Variants in BCL6B observed in about 807,000 individuals in gnomAD.
BCL6B encodes the protein B-cell CLL/lymphoma 6 member B protein.
Under a neutral mutation model 44.6 loss-of-function variants are expected in BCL6B, and 28 were observed. The ratio of observed to expected loss-of-function variants is 0.63; its 90% CI spans 0.47 to 0.86. The LOEUF is 0.86. BCL6B is among the 40% of genes least tolerant of loss of function. BCL6B has a pLI of 0.00. For synonymous variants in BCL6B, 268 were observed against 263.6 expected (o/e 1.02, Z -0.16); for missense variants, 626 against 652.3 (o/e 0.96, Z 0.44).
rs1414579398 is a variant in BCL6B, at chr17:7,024,065, T to C, written c.180-18T>C. 1 of 1,612,556 alleles carries C rather than the reference T, an allele frequency of 6.2e-7. No individual in the cohort carries two copies. The highest frequency in any genetic ancestry group is 1.3e-5 in the African/African-American group (1 of 74,880). On this transcript the variant is annotated intron_variant, in intron 2 of 8. Transcript: ENST00000293805. The surrounding 1 kb of genome is among the most constrained non-coding windows in gnomAD (Gnocchi z 6.6). ...TTGGTTCCCCAGCCCCCAAAGGACTTATCTGCTCTCTCTCTAGTGGCTTCT... is the reference window on the plus strand; with the variant it reads ...TTGGTTCCCCAGCCCCCAAAGGACTCATCTGCTCTCTCTCTAGTGGCTTCT...
Position 7,023,765 on chromosome 17 carries a change from C to T in BCL6B, c.94C>T (p.Arg32Cys). 3.7e-6 allele frequency: 6 copies of T among 1,613,410 alleles called. No homozygotes were observed. Among genetic ancestry groups the T allele is most frequent in the Non-Finnish European group, 5.1e-6 (6 of 1,180,030 alleles). The change falls in exon 2 of 9, where the codon CGC (arginine) becomes TGC (cysteine). Residue 32 changes from arginine (R) to cysteine (C), a missense_variant. Physicochemically the swap from Arg to Cys is radical, Grantham distance 180 (BLOSUM62 -3). Coordinates refer to ENST00000293805, the MANE Select transcript of BCL6B (RefSeq NM_181844.4). ...CGTGCTGGGCAACCTCAACGAGCTGCGCCTGCGCGGGATCCTCACTGACGT... is the reference window on the plus strand; with the variant it reads ...CGTGCTGGGCAACCTCAACGAGCTGTGCCTGCGCGGGATCCTCACTGACGT... ...SDVLGNLNELRLRGILTDVTL... is the reference protein window; with the variant it reads ...SDVLGNLNELCLRGILTDVTL...
Position 7,024,800 on chromosome 17 carries a change from G to C in BCL6B, c.764+37G>C. On this transcript the variant is annotated intron_variant, in intron 4 of 8. Transcript: ENST00000293805. This position sits in a 1 kb window ranked among gnomAD's most constrained non-coding sequence, Gnocchi z 6.6. Reference sequence around the variant, plus strand: ...AGAACCTCAAGAATTTGTCAGAGCTGGCCTCAGCTAGAAGACAGAGTCATT... The same window carrying C: ...AGAACCTCAAGAATTTGTCAGAGCTCGCCTCAGCTAGAAGACAGAGTCATT... The C allele has an allele frequency of 6.4e-7, 1 of 1,560,560 alleles. No homozygotes were observed. Among genetic ancestry groups the C allele is most frequent in the South Asian group, 1.2e-5 (1 of 86,278 alleles).
At chr17:7,023,329 G>A in intron 1 of BCL6B, 1 of 319,928 alleles carries the variant, frequency 3.1e-6, no homozygotes, top group Non-Finnish European at 5.8e-6. Context: ...GGACACCTGA[G>A]ACACAGGCGC....
rs373925735 is a variant in BCL6B at position 7,026,576 on chromosome 17, T to C, written c.1009T>C (p.Phe337Leu). ...TAAGTGTCAGCTGTGCCGGTCTTCG[T>C]TCCGCTACAAGGGCAACCTTGCCAG... ...PYKCQLCRSS[F>L]RYKGNLASHR... is the part of the protein sequence containing the mutation. The change falls in exon 6 of 9, where the codon TTC becomes CTC. Residue 337 changes from phenylalanine to leucine, a missense_variant. Transcript: ENST00000293805. 7 of 1,614,086 alleles carry C rather than the reference T, an allele frequency of 4.3e-6. No individual in the cohort carries two copies. In the African/African-American group the frequency reaches 8.0e-5, roughly 18 times the overall value.
intron 1 of BCL6B, chr17:7,023,374 G>GGGTC (rs958185589): frequency 2.4e-6 from 1 of 425,134 alleles, no homozygotes; most frequent in Non-Finnish European, 4.2e-6. Context: ...GGGGCACTGG[G>GGGTC]GGTCGAACCC....
Position 7,023,805 on chromosome 17 carries a change from G to A in BCL6B, c.134G>A (p.Gly45Asp), listed in dbSNP as rs1006984418. 3 of 1,613,312 alleles carry A rather than the reference G, an allele frequency of 1.9e-6. No individual in the cohort carries two copies. Among genetic ancestry groups the A allele is most frequent in the Admixed American group, 3.3e-5 (2 of 60,026 alleles). Residue 45 changes from glycine (G) to aspartate (D), a missense_variant, in exon 2 of 9, where the codon GGC (glycine) becomes GAC (aspartate). Coordinates refer to ENST00000293805, the MANE Select transcript of BCL6B (RefSeq NM_181844.4). Reference protein sequence around the residue: ...GILTDVTLLVGGQPLRAHKAV... With the variant: ...GILTDVTLLVDGQPLRAHKAV... ...CTCACTGACGTCACGCTGCTGGTTGGCGGGCAACCCCTCAGAGCACACAAG... is the reference window on the plus strand; with the variant it reads ...CTCACTGACGTCACGCTGCTGGTTGACGGGCAACCCCTCAGAGCACACAAG...
At position 7,024,037 on chromosome 17, in the gene BCL6B, C is replaced by T; in HGVS notation, c.180-46C>T. 1.3e-6 allele frequency: 2 copies of T among 1,596,450 alleles called. No individual in the cohort carries two copies. The highest frequency in any genetic ancestry group is 2.2e-5 in the East Asian group (1 of 44,686). The stretch of plus-strand genomic sequence containing the variant: ...GGGCTTCCTGAAGCTGCGCATGTCT[C>T]CCTTGGTTCCCCAGCCCCCAAAGGA... On this transcript the variant is annotated intron_variant, in intron 2 of 8. Transcript: ENST00000293805. The surrounding 1 kb of genome is among the most constrained non-coding windows in gnomAD (Gnocchi z 6.6).
intron 8 of BCL6B, 59 bp downstream of exon 8, chr17:7,027,146 T>C: frequency 6.2e-7 from 1 of 1,602,942 alleles, no homozygotes; most frequent in Non-Finnish European, 8.5e-7. Flanking sequence ...TGCCTAGGGG[T>C]GGGCTCTGAG....
intron 5 of BCL6B, 22 bp from the exon 6 acceptor site, chr17:7,026,435 C>G: frequency 6.2e-7 from 1 of 1,612,228 alleles, no homozygotes; most frequent in Non-Finnish European, 8.5e-7. Flanking sequence ...CTATGGTTGC[C>G]GTCACCCATT....
chr17:7,025,240 T>C, intron 5 of BCL6B, 40 bp downstream of exon 5: 2 of 1,610,836 alleles, frequency 1.2e-6, no homozygotes, highest in Non-Finnish European at 1.7e-6. Context: ...CCGTGACTGC[T>C]CCAGGCAAGT....
intron 5 of BCL6B, among the ~76,000 whole-genome samples, chr17:7,026,069 G>A (rs562653422): frequency 1.2e-4 from 18 of 152,100 alleles, no homozygotes; most frequent in Admixed American, 8.5e-4. Flanking sequence ...CTACAGGCAC[G>A]TGCCACCACA....
rs556723329 is a variant in BCL6B, at chr17:7,027,042, C to T, written c.1278C>T (p.Thr426=). Residue 426 remains threonine, a synonymous_variant, in exon 8 of 9, where the codon ACC becomes ACT. Transcript: ENST00000293805. ...GAACCCGCTTCCGCCACCTGCAGAC[C>T]CTCAAGAGCCACGTTCGCATCCACA... ...TCGTRFRHLQ[T]LKSHVRIHTG... is the part of the protein sequence containing the mutation. The T allele has an allele frequency of 3.4e-5, 55 of 1,613,884 alleles. No individual in the cohort carries two copies. The African/African-American group carries it at 3.7e-4, about 11-fold the overall frequency.
chr17:7,024,639 G>A lies in BCL6B; in HGVS notation c.640G>A (p.Gly214Arg), dbSNP rs200779770. Residue 214 changes from glycine to arginine, a missense_variant, in exon 4 of 9, where the codon GGG becomes AGG. Transcript: ENST00000293805. This position sits in a 1 kb window ranked among gnomAD's most constrained non-coding sequence, Gnocchi z 6.6. ...GGCCTCCCAAGCAGGGAGCCTGGTC[G>A]GGGAGAGAAGTTCTGGTCAACCTTG... The part of the protein sequence containing the change: ...SQASQAGSLV[G>R]ERSSGQPCPQ... 190 of 1,614,114 alleles carry A rather than the reference G, an allele frequency of 1.2e-4. No homozygotes were observed. The African/African-American group carries it at 1.9e-3, about 16-fold the overall frequency.
intron 6 of BCL6B, 35 bp downstream of exon 6, chr17:7,026,656 C>G (rs763616331): frequency 6.2e-7 from 1 of 1,614,102 alleles, no homozygotes. Flanking sequence ...TTCAAGCCCA[C>G]AGCTGTCCTA....
Position 7,023,840 on chromosome 17 carries a change from A to G in BCL6B, c.169A>G (p.Ile57Val). The change falls in exon 2 of 9, where the codon ATC becomes GTC. Residue 57 changes from isoleucine (I) to valine (V), a missense_variant. Transcript: ENST00000293805. The stretch of plus-strand genomic sequence containing the variant: ...CCTCAGAGCACACAAGGCAGTTCTC[A>G]TCGCCTGCAGGTTCGAGGGGTGGGG... ...QPLRAHKAVL[I>V]ACSGFFYSIF... 6.4e-7 allele frequency: 1 copy of G among 1,567,288 alleles called. No homozygotes were observed. Among genetic ancestry groups the G allele is most frequent in the African/African-American group, 1.4e-5 (1 of 73,242 alleles).
Position 7,026,799 on chromosome 17 carries a change from G to T in BCL6B, c.1149G>T (p.Pro383=), listed in dbSNP as rs61739754. 8.0e-3 allele frequency: 12,852 copies of T among 1,614,138 alleles called. 64 individuals carry two copies. The highest frequency in any genetic ancestry group is 0.022 in the Middle Eastern group (133 of 6,062). The stretch of plus-strand genomic sequence containing the variant: ...GCCGCATCCATTCGGGAGAGAAGCC[G>T]TATAAGTGTGAGACGTGCGGCTCGC... ...THSRIHSGEK[P]YKCETCGSRF... The change falls in exon 7 of 9, where the codon CCG becomes CCT. Residue 383 remains proline (P), a synonymous_variant. Coordinates refer to ENST00000293805, the MANE Select transcript of BCL6B (RefSeq NM_181844.4).
Position 7,024,823 on chromosome 17 carries a change from A to C in BCL6B, c.764+60A>C. Reference sequence around the variant, plus strand: ...CTGGCCTCAGCTAGAAGACAGAGTCATTGGGCCTTGATGGTCAGGAGGAAG... The same window carrying C: ...CTGGCCTCAGCTAGAAGACAGAGTCCTTGGGCCTTGATGGTCAGGAGGAAG... On this transcript the variant is annotated intron_variant, in intron 4 of 8. Coordinates refer to ENST00000293805, the MANE Select transcript of BCL6B (RefSeq NM_181844.4). This position sits in a 1 kb window ranked among gnomAD's most constrained non-coding sequence, Gnocchi z 6.6. 6.5e-7 allele frequency: 1 copy of C among 1,529,148 alleles called. No homozygotes were observed. The highest frequency in any genetic ancestry group is 8.8e-7 in the Non-Finnish European group (1 of 1,138,286). 94.7% of individuals were successfully genotyped at this position (1,529,148 alleles called of 1,614,324 possible).
rs1910393200 is a variant in BCL6B at position 7,029,381 on chromosome 17, G to A, written c.*1762G>A. On this transcript the variant is annotated 3_prime_UTR_variant, in exon 9 of 9. Transcript: ENST00000293805. Reference sequence around the variant, plus strand: ...GAAAGTAAGAAGCACTTTTGAATTTGTGGGGTAGAACTTCAACAATAAGTC... The same window carrying A: ...GAAAGTAAGAAGCACTTTTGAATTTATGGGGTAGAACTTCAACAATAAGTC... 1 of 996,124 alleles carries A rather than the reference G, an allele frequency of 1.0e-6. No individual in the cohort carries two copies. The highest frequency in any genetic ancestry group is 4.3e-5 in the South Asian group (1 of 23,132). The allele number at this position is 996,124 out of a possible 1,614,324, so 61.7% of individuals were successfully genotyped here. A position where few individuals can be genotyped will look rare whatever the true frequency, so the allele number is the denominator to read the frequency against.
intron 8 of BCL6B, 42 bp from the exon 9 acceptor site, chr17:7,027,461 A>G (rs767506934): frequency 2.5e-6 from 4 of 1,610,026 alleles, no homozygotes; most frequent in South Asian, 1.1e-5. Context: ...CTAAAAGGTG[A>G]TTGTGGATGG....
Sources: gnomAD v4.1 joint callset for allele counts (sites outside exome capture counted in the v4.1 genomes callset) on GRCh38, gnomAD v4.1.1 for gene constraint, Gnocchi (gnomAD v3.1) non-coding constraint, MANE v1.5 for transcripts, NCBI Gene and HGNC (gene_info 2026-07-23, HGNC 2026-07-21) for gene names.